Variants in KCNQ3 observed in about 807,000 individuals in gnomAD.
The protein encoded by KCNQ3 is potassium voltage-gated channel subfamily KQT member 3.
In KCNQ3, 30 loss-of-function variants were observed where a neutral mutation model predicts 92.5. The observed-to-expected ratio is 0.32, with a 90% CI of 0.24 to 0.44. The LOEUF is 0.44. Among genes scored for constraint, KCNQ3 ranks in the 20% least tolerant of loss-of-function variants. The pLI, the probability that KCNQ3 is intolerant of heterozygous loss-of-function variation, is 1.00. For synonymous variants in KCNQ3, 450 were observed against 468.8 expected, an observed-to-expected ratio of 0.96 and a Z score of 0.52; for missense variants, 913 against 1,140.3, an observed-to-expected ratio of 0.80 and a Z score of 2.87.
intron 1 of KCNQ3, among the ~76,000 whole-genome samples, chr8:132,368,535 C>A (rs1819384724): frequency 6.6e-6 from 1 of 151,954 alleles, no homozygotes; most frequent in East Asian, 1.9e-4. Context: ...TGCTTGTAGT[C>A]CCAGCTACTC....
At chr8:132,471,235 T>C (rs958602069) in intron 1 of KCNQ3, among the ~76,000 whole-genome samples, 1 of 152,162 alleles carries the variant, frequency 6.6e-6, no homozygotes, top group Non-Finnish European at 1.5e-5. Flanking sequence ...CACTCTTCTA[T>C]TGAGTACACC....
chr8:132,263,988 G>C (rs1389823560), intron 1 of KCNQ3, among the ~76,000 whole-genome samples: 1 of 152,146 alleles, frequency 6.6e-6, no homozygotes, highest in Non-Finnish European at 1.5e-5. Context: ...TAAGCACAAA[G>C]TCCAGCACCT....
At chr8:132,197,228 G>A (rs993590365) in intron 1 of KCNQ3, among the ~76,000 whole-genome samples, 15 of 152,042 alleles carry the variant, frequency 9.9e-5, no homozygotes, top group African/African-American at 3.4e-4. Flanking sequence ...CCTGCTCTAC[G>A]CATGCCATAT....
intron 9 of KCNQ3, among the ~76,000 whole-genome samples, chr8:132,159,084 A>AGAT (rs1354805434): frequency 1.3e-5 from 2 of 152,246 alleles, no homozygotes; most frequent in Non-Finnish European, 2.9e-5. Context: ...TCTATCAAAA[A>AGAT]GATGTCCATA....
At chr8:132,449,793 G>T (rs972954738) in intron 1 of KCNQ3, among the ~76,000 whole-genome samples, 1 of 152,166 alleles carries the variant, frequency 6.6e-6, no homozygotes, top group Non-Finnish European at 1.5e-5. Flanking sequence ...AAGGGTCAAG[G>T]CTAGTTTCCA....
chr8:132,354,015 G>A (rs1258874675), intron 1 of KCNQ3, among the ~76,000 whole-genome samples: 1 of 152,166 alleles, frequency 6.6e-6, no homozygotes. Context: ...GTACTGTGGG[G>A]AACACACAGA....
At chr8:132,141,365 C>T (rs1825290103) in intron 9 of KCNQ3, 34 bp from the exon 10 acceptor site, 10 of 1,590,480 alleles carry the variant, frequency 6.3e-6, no homozygotes, top group Non-Finnish European at 8.6e-6. Flanking sequence ...AATTTTCCTC[C>T]TTCAGTGCAG....
chr8:132,129,850 A>G lies in KCNQ3; in HGVS notation c.2031T>C (p.Tyr677=). The G allele has an allele frequency of 6.2e-7, 1 of 1,614,114 alleles. No individual in the cohort carries two copies. The highest frequency in any genetic ancestry group is 8.5e-7 in the Non-Finnish European group (1 of 1,180,018). ...TGCAGATGATGGTTTTCAAATCGGA[A>G]TACCTGTTGTCCTCCTTCTTCTCTG... ...AEAEKKEDNR[Y]SDLKTIICNY... Residue 677 remains tyrosine, a synonymous_variant, in exon 15 of 15, where the codon TAT becomes TAC. Coordinates refer to ENST00000388996, the MANE Select transcript of KCNQ3 (RefSeq NM_004519.4). The surrounding 1 kb of genome is among the most constrained non-coding windows in gnomAD (Gnocchi z 5.9).
intron 2 of KCNQ3, 96 bp from the exon 3 acceptor site, chr8:132,184,463 T>G (rs1022936907): frequency 4.7e-5 from 66 of 1,408,282 alleles, no homozygotes; most frequent in Non-Finnish European, 6.1e-5. Context: ...AACTCCATTT[T>G]GTGCTGTTGC....
At chr8:132,459,198 C>G (rs1413612929) in intron 1 of KCNQ3, among the ~76,000 whole-genome samples, 1 of 152,172 alleles carries the variant, frequency 6.6e-6, no homozygotes, top group African/African-American at 2.4e-5. Context: ...ATTTTCATCA[C>G]ATCATGTCAA....
At chr8:132,130,049 T>C in intron 14 of KCNQ3, 53 bp from the exon 15 acceptor site, 3 of 1,590,960 alleles carry the variant, frequency 1.9e-6, no homozygotes, top group Middle Eastern at 2.2e-4. Context: ...GTGGGGATCG[T>C]TGCTATTGGT....
chr8:132,356,490 A>G (rs1348869995), intron 1 of KCNQ3, among the ~76,000 whole-genome samples: 2 of 152,154 alleles, frequency 1.3e-5, no homozygotes, highest in Non-Finnish European at 2.9e-5. Context: ...GCCTCCACAG[A>G]GTGGCTGGAT....
At chr8:132,329,518 T>A (rs1392082693) in intron 1 of KCNQ3, among the ~76,000 whole-genome samples, 2 of 152,196 alleles carry the variant, frequency 1.3e-5, no homozygotes, top group African/African-American at 4.8e-5. Flanking sequence ...GCGACACATG[T>A]CTTTCTGGAT....
chr8:132,346,726 C>A (rs760787799), intron 1 of KCNQ3, among the ~76,000 whole-genome samples: 1 of 152,208 alleles, frequency 6.6e-6, no homozygotes, highest in Non-Finnish European at 1.5e-5. Context: ...CCCAAAGCCA[C>A]AGGGTCTCCT....
chr8:132,194,668 G>A (rs918720157), intron 1 of KCNQ3, among the ~76,000 whole-genome samples: 2 of 152,214 alleles, frequency 1.3e-5, no homozygotes, highest in African/African-American at 4.8e-5. Context: ...ACCCAGACAT[G>A]AGAACATAAG....
At chr8:132,200,832 G>A (rs896493487) in intron 1 of KCNQ3, among the ~76,000 whole-genome samples, 4 of 152,158 alleles carry the variant, frequency 2.6e-5, no homozygotes, top group African/African-American at 7.2e-5. Flanking sequence ...TCAACGGCTT[G>A]TTTGAATTCA....
At position 132,221,174 on chromosome 8, in the gene KCNQ3, C is replaced by G. The variant is rs181388956; in HGVS notation, c.387-34993G>C. ...TCCTTTTTTATGGCTGCATAGTATT[C>G]CATCGTGTATATGTGCCACATTTTC... On this transcript the variant is annotated intron_variant, in intron 1 of 14. Transcript: ENST00000388996. Among the ~76,000 whole-genome samples, 636 of 152,278 alleles carry G rather than the reference C, an allele frequency of 4.2e-3. 8 individuals carry two copies. Among genetic ancestry groups the G allele is most frequent in the Middle Eastern group, 6.8e-3 (2 of 294 alleles).
intron 1 of KCNQ3, among the ~76,000 whole-genome samples, chr8:132,209,713 C>A (rs1488861335): frequency 6.6e-6 from 1 of 152,094 alleles, no homozygotes; most frequent in Non-Finnish European, 1.5e-5. Context: ...ACAAAGTAGG[C>A]TGTGTGTTAG....
chr8:132,130,635 T>A (rs1824851838), intron 14 of KCNQ3, among the ~76,000 whole-genome samples: 1 of 152,098 alleles, frequency 6.6e-6, no homozygotes, highest in African/African-American at 2.4e-5. Context: ...GTTGCCCGGG[T>A]CAAGGAGCAA....
Sources: gnomAD v4.1 joint callset for allele counts (sites outside exome capture counted in the v4.1 genomes callset) on GRCh38, gnomAD v4.1.1 for gene constraint, Gnocchi (gnomAD v3.1) non-coding constraint, MANE v1.5 for transcripts, NCBI Gene and HGNC (gene_info 2026-07-23, HGNC 2026-07-21) for gene names.